Variants in ABCA5 observed in about 807,000 individuals in gnomAD.
ABCA5 encodes cholesterol transporter ABCA5.
Under a neutral mutation model 206.0 loss-of-function variants are expected in ABCA5, and 163 were observed. That is an observed-to-expected ratio of 0.79 (90% CI 0.70 to 0.90). ABCA5 has a LOEUF of 0.90. ABCA5 is among the 40% of genes least tolerant of loss of function. The pLI is 0.00. For missense variants in ABCA5, 1,859 were observed against 1,912.9 expected (o/e 0.97, Z 0.53); for synonymous variants, 609 against 613.8 (o/e 0.99, Z 0.11).
At chr17:69,254,828 G>A (rs2075056457) in intron 31 of ABCA5, among the ~76,000 whole-genome samples, 1 of 152,030 alleles carries the variant, frequency 6.6e-6, no homozygotes, top group Non-Finnish European at 1.5e-5. Flanking sequence ...CCGCCCAGAT[G>A]TTTTACTCCT....
chr17:69,253,792 A>G lies in ABCA5; in HGVS notation c.4320+2T>C, dbSNP rs759574855. ...GCATTATTTGGTGTTTAATGAAAGT[A>G]CCTTTCGTTTGATTCCTGCAGGTAG... On this transcript the variant is annotated splice_donor_variant, in intron 33 of 38. Coordinates refer to ENST00000392676, the MANE Select transcript of ABCA5 (RefSeq NM_172232.4). LOFTEE classifies it high-confidence loss of function. 1.9e-6 allele frequency: 3 copies of G among 1,610,674 alleles called. No homozygotes were observed. In the Admixed American group the frequency reaches 5.0e-5, roughly 27 times the overall value.
In ABCA5 at chr17:69,309,434, T is replaced by C. The variant is rs1567781489; in HGVS notation, c.308-11A>G. 3.3e-6 allele frequency: 5 copies of C among 1,514,636 alleles called. No homozygotes were observed. The African/African-American group carries it at 4.2e-5, about 13-fold the overall frequency. The allele number at this position is 1,514,636 out of a possible 1,614,324, so 93.8% of individuals were successfully genotyped here. On this transcript the variant is annotated splice_polypyrimidine_tract_variant and intron_variant, in intron 3 of 38. Transcript: ENST00000392676. ...CTTCAGTAATTATGACTGTAAGATATCATAACAATATAGTTAGCTCACAAA... is the reference window on the plus strand; with the variant it reads ...CTTCAGTAATTATGACTGTAAGATACCATAACAATATAGTTAGCTCACAAA...
intron 1 of ABCA5, among the ~76,000 whole-genome samples, chr17:69,315,607 A>T (rs2075808893): frequency 6.6e-6 from 1 of 152,064 alleles, no homozygotes; most frequent in Admixed American, 6.6e-5. Flanking sequence ...ACATGGTGAA[A>T]CCCTGTCTCT....
At position 69,274,839 on chromosome 17, in the gene ABCA5, C is replaced by CTTTTTTTTTTTTT. The variant is rs3052556; in HGVS notation, c.2595-724_2595-712dup. ...GTCCTGTCTCTATCTTAACCATTTA[C>CTTTTTTTTTTTTT]TTTTTTTTTTTTTTTTTTTTTTGAG... On this transcript the variant is annotated intron_variant, in intron 19 of 38. Transcript: ENST00000392676. 9.6e-4 allele frequency among the ~76,000 whole-genome samples: 82 copies of CTTTTTTTTTTTTT among 85,750 alleles called. 5 individuals carry two copies. Among genetic ancestry groups the CTTTTTTTTTTTTT allele is most frequent in the East Asian group, 3.2e-3 (9 of 2,820 alleles). 56.3% of individuals were successfully genotyped at this position (85,750 alleles called of 152,430 possible).
At chr17:69,303,807 T>TATACATATATATATATATACAC (rs1474929503) in intron 7 of ABCA5, among the ~76,000 whole-genome samples, 1 of 5,230 alleles carries the variant, frequency 1.9e-4, no homozygotes, top group African/African-American at 2.5e-4. Flanking sequence ...TATATATATA[T>TATACATATATATATATATACAC]ACATACATAT....
intron 18 of ABCA5, 102 bp downstream of exon 18, chr17:69,283,851 C>T (rs1462551360): frequency 2.5e-6 from 3 of 1,218,758 alleles, no homozygotes; most frequent in East Asian, 6.1e-5. Flanking sequence ...TATTTCTACC[C>T]TTTATTCTAA....
At chr17:69,310,399 C>T (rs540389334) in intron 3 of ABCA5, among the ~76,000 whole-genome samples, 4 of 152,250 alleles carry the variant, frequency 2.6e-5, no homozygotes, top group Admixed American at 6.5e-5. Context: ...CCTGAGCCTC[C>T]GGACTAGTTG....
At chr17:69,307,832 G>A (rs1320359993) in intron 5 of ABCA5, among the ~76,000 whole-genome samples, 1 of 151,880 alleles carries the variant, frequency 6.6e-6, no homozygotes, top group Admixed American at 6.6e-5. Context: ...TACTTTAAAC[G>A]TATTGTTTAG....
rs757113904 is a variant in ABCA5, at chr17:69,251,850, C to A, written c.4432G>T (p.Ala1478Ser). 1 of 1,613,416 alleles carries A rather than the reference C, an allele frequency of 6.2e-7. No individual in the cohort carries two copies. The highest frequency in any genetic ancestry group is 8.5e-7 in the Non-Finnish European group (1 of 1,179,856). ...KQHMWRAIRT[A>S]FKNRKRAAIL... is the part of the protein sequence containing the mutation. ...GCAGCCCGCTTTCTGTTTTTAAATGCAGTTCGAATTGCTCGCCTATAAAAC... is the reference window on the plus strand; with the variant it reads ...GCAGCCCGCTTTCTGTTTTTAAATGAAGTTCGAATTGCTCGCCTATAAAAC... The change falls in exon 35 of 39, where the codon GCA (alanine) becomes TCA (serine). Residue 1478 changes from alanine (A) to serine (S), a missense_variant. Ala to Ser is a moderately conservative substitution (Grantham distance 99, BLOSUM62 1). Coordinates refer to ENST00000392676, the MANE Select transcript of ABCA5 (RefSeq NM_172232.4).
At chr17:69,316,336 T>TA (rs2075815411) in intron 1 of ABCA5, among the ~76,000 whole-genome samples, 1 of 151,564 alleles carries the variant, frequency 6.6e-6, no homozygotes, top group South Asian at 2.1e-4. Flanking sequence ...CTACTAAAAA[T>TA]ACAAAAATTA....
intron 6 of ABCA5, among the ~76,000 whole-genome samples, chr17:69,306,417 C>T (rs766861820): frequency 5.9e-5 from 9 of 151,962 alleles, no homozygotes; most frequent in East Asian, 1.9e-4. Flanking sequence ...CAGAAATATA[C>T]GTGGAGTATA....
intron 20 of ABCA5, among the ~76,000 whole-genome samples, chr17:69,271,616 C>T (rs1422617352): frequency 6.6e-6 from 1 of 152,140 alleles, no homozygotes; most frequent in African/African-American, 2.4e-5. Context: ...TAGAACCTGA[C>T]ACATAGTAAC....
Position 69,270,749 on chromosome 17 carries a change from T to C in ABCA5, c.2894A>G (p.Asp965Gly), listed in dbSNP as rs776959369. ...GTTGAAAACAGCTGCAAAAACATAG[T>C]CCTACAATTAAAAAAAAGACACTTA... ...AALNVMHSEK[D>G]YVFAAVFNST... Residue 965 changes from aspartate to glycine, a missense_variant and splice_region_variant, in exon 22 of 39, where the codon GAC (aspartate) becomes GGC (glycine). Physicochemically the swap from Asp to Gly is moderately conservative, Grantham distance 94. Transcript: ENST00000392676. 4.6e-6 allele frequency: 7 copies of C among 1,529,854 alleles called. No individual in the cohort carries two copies. In the Admixed American group the frequency reaches 1.4e-4, roughly 31 times the overall value. 94.8% of individuals were successfully genotyped at this position (1,529,854 alleles called of 1,614,324 possible).
chr17:69,291,404 C>A, intron 11 of ABCA5, 78 bp from the exon 12 acceptor site: 3 of 895,904 alleles, frequency 3.3e-6, no homozygotes, highest in Non-Finnish European at 5.2e-6. Context: ...AATATTTGAG[C>A]AATCTTCAAG....
At position 69,289,971 on chromosome 17, in the gene ABCA5, A is replaced by G; in HGVS notation, c.1673T>C (p.Ile558Thr). 6.2e-7 allele frequency: 1 copy of G among 1,612,512 alleles called. No homozygotes were observed. The highest frequency in any genetic ancestry group is 1.1e-5 in the South Asian group (1 of 90,944). ...IDEMFEARKM[I>T]GICPQLDIHF... ...TATATCTAACTGTGGACAAATGCCA[A>G]TCATTTTTCTTGCTTCAAACATTTC... The change falls in exon 13 of 39, where the codon ATT becomes ACT. Residue 558 changes from isoleucine (I) to threonine (T), a missense_variant. Ile to Thr is a moderately conservative substitution (Grantham distance 89). Coordinates refer to ENST00000392676, the MANE Select transcript of ABCA5 (RefSeq NM_172232.4).
In ABCA5 at chr17:69,250,600, A is replaced by G. The variant is rs186243305; in HGVS notation, c.4557T>C (p.His1519=). Residue 1519 remains histidine, a synonymous_variant, in exon 36 of 39, where the codon CAT becomes CAC. Coordinates refer to ENST00000392676, the MANE Select transcript of ABCA5 (RefSeq NM_172232.4). Reference sequence around the variant, plus strand: ...AGCCTTTTCCAAATTTACTCTTTAGATGTTGTACTGTTCCGATACATCTGA... The same window carrying G: ...AGCCTTTTCCAAATTTACTCTTTAGGTGTTGTACTGTTCCGATACATCTGA... ...GQLRCIGTVQ[H]LKSKFGKGYF... 7 of 1,591,158 alleles carry G rather than the reference A, an allele frequency of 4.4e-6. No individual in the cohort carries two copies. In the East Asian group the frequency reaches 1.6e-4, roughly 36 times the overall value.
chr17:69,317,114 T>C (rs986651032), intron 1 of ABCA5: 1 of 152,102 alleles, frequency 6.6e-6, no homozygotes, highest in African/African-American at 2.4e-5. Flanking sequence ...AGGAATGAAG[T>C]GGCTAGGTGC....
intron 10 of ABCA5, among the ~76,000 whole-genome samples, chr17:69,296,864 T>C (rs528992467): frequency 1.9e-4 from 29 of 152,096 alleles, no homozygotes; most frequent in East Asian, 5.8e-4. Context: ...ACTTGAGAGG[T>C]TGAGGCACAA....
At chr17:69,251,066 C>T (rs532567837) in intron 35 of ABCA5, 9 of 153,430 alleles carry the variant, frequency 5.9e-5, no homozygotes, top group African/African-American at 2.2e-4. Context: ...GAAGGTCCCT[C>T]AATTTGGGTT....
Sources: gnomAD v4.1 joint callset for allele counts (sites outside exome capture counted in the v4.1 genomes callset) on GRCh38, gnomAD v4.1.1 for gene constraint, MANE v1.5 for transcripts, NCBI Gene and HGNC (gene_info 2026-07-23, HGNC 2026-07-21) for gene names.